Variants in TJP3 observed in about 807,000 individuals in gnomAD.
TJP3 encodes the protein tight junction protein 3, also known as tight junction protein ZO-3.
A neutral mutation model predicts 104.2 loss-of-function variants in TJP3; 85 were observed. That is an observed-to-expected ratio of 0.82 (90% confidence interval 0.68 to 0.98). The LOEUF is 0.98. Among genes scored for constraint, TJP3 ranks in the 50% least tolerant of loss-of-function variants. TJP3 has a pLI of 0.00. For synonymous variants in TJP3, 550 were observed against 550.6 expected, an observed-to-expected ratio of 1.00 and a Z score of 0.02; for missense variants, 1,367 against 1,322.8, an observed-to-expected ratio of 1.03 and a Z score of -0.52.
chr19:3,724,186 T>A (rs8112370), intron 1 of TJP3, among the ~76,000 whole-genome samples: 11,099 of 150,332 alleles, frequency 0.074, 607 homozygotes, highest in African/African-American at 0.15. Flanking sequence ...GGGCCCTGGT[T>A]CCCTGGGGCT....
chr19:3,727,146 A>G (rs1161497317), intron 1 of TJP3, among the ~76,000 whole-genome samples: 1 of 151,730 alleles, frequency 6.6e-6, no homozygotes, highest in Non-Finnish European at 1.5e-5. Context: ...CATCTGTAAC[A>G]TGGGGATAAT....
At chr19:3,743,878 C>A in intron 14 of TJP3, 61 bp from the exon 15 acceptor site, 1 of 1,492,290 alleles carries the variant, frequency 6.7e-7, no homozygotes, top group Non-Finnish European at 9.3e-7. Flanking sequence ...TTGTACAACA[C>A]ACTAGCAGTC....
At chr19:3,709,654 C>A (rs539847783) in intron 1 of TJP3, among the ~76,000 whole-genome samples, 1 of 152,150 alleles carries the variant, frequency 6.6e-6, no homozygotes, top group South Asian at 2.1e-4. Flanking sequence ...GGGGACAGAG[C>A]GGCCCGGCAT....
chr19:3,727,103 G>A (rs1029069672), intron 1 of TJP3, among the ~76,000 whole-genome samples: 2 of 151,682 alleles, frequency 1.3e-5, no homozygotes, highest in Non-Finnish European at 2.9e-5. Flanking sequence ...AGTGTGGGAG[G>A]GGGGACTTCA....
intron 1 of TJP3, chr19:3,721,718 G>A (rs2036543514): frequency 2.7e-6 from 1 of 376,712 alleles, no homozygotes; most frequent in Non-Finnish European, 4.7e-6. Flanking sequence ...AGACCTGGAG[G>A]AGGAAGAGGG....
In TJP3 at chr19:3,745,133, C is replaced by CT. The variant is rs549831017; in HGVS notation, c.1940-848dup. On this transcript the variant is annotated intron_variant, in intron 15 of 20. Coordinates refer to ENST00000541714, the MANE Select transcript of TJP3 (RefSeq NM_001267560.2). ...TTAAAAAAAGATGCAAATTTTATGT[C>CT]TTTTTTTTTTTTTTTTTTTTTTTTT... is the stretch of plus-strand genomic sequence containing the variant. Among the ~76,000 whole-genome samples the CT allele has an allele frequency of 7.6e-3, 529 of 70,012 alleles. 67 individuals are homozygous for CT. Among genetic ancestry groups the CT allele is most frequent in the Non-Finnish European group, 8.4e-3 (342 of 40,796 alleles). 45.9% of individuals were successfully genotyped at this position (70,012 alleles called of 152,430 possible).
At chr19:3,739,773 G>A (rs1373019883) in intron 13 of TJP3, among the ~76,000 whole-genome samples, 2 of 152,106 alleles carry the variant, frequency 1.3e-5, no homozygotes, top group Admixed American at 1.3e-4. Flanking sequence ...TAGAGGGGCC[G>A]CATCCCTCAG....
rs889799164 is a variant in TJP3 at position 3,742,914 on chromosome 19, C to G, written c.1844-1025C>G. ...CTGGGAGATGGAGGTTGCAGTGAGC[C>G]AAGATTAAGCCACTGCACCGCCAGC... On this transcript the variant is annotated intron_variant, in intron 14 of 20. Transcript: ENST00000541714. 9.3e-5 allele frequency among the ~76,000 whole-genome samples: 14 copies of G among 150,968 alleles called. No individual in the cohort carries two copies. In the East Asian group the frequency reaches 9.9e-4, roughly 11 times the overall value.
chr19:3,738,838 G>A, intron 12 of TJP3, 59 bp from the exon 13 acceptor site: 1 of 1,485,890 alleles, frequency 6.7e-7, no homozygotes, highest in Non-Finnish European at 9.2e-7. Context: ...CTCTCGGGTG[G>A]GGAGGGCTCA....
chr19:3,720,263 C>G (rs960139048), intron 1 of TJP3, among the ~76,000 whole-genome samples: 1 of 152,122 alleles, frequency 6.6e-6, no homozygotes, highest in African/African-American at 2.4e-5. Context: ...CCTTGGAGAC[C>G]CTTGAGGGGC....
rs61729588 is a variant in TJP3 at position 3,746,798 on chromosome 19, G to A, written c.2244G>A (p.Thr748=). The A allele has an allele frequency of 2.7e-5, 44 of 1,611,032 alleles. No homozygotes were observed. The highest frequency in any genetic ancestry group is 3.5e-5 in the Non-Finnish European group (41 of 1,178,688). The stretch of plus-strand genomic sequence containing the variant: ...CAGCCACCATCCCTCTGAATGGCAC[G>A]AGTGACACCTGGTACCAGGAGCTCA... ...LFTATIPLNG[T]SDTWYQELKA... is the part of the protein sequence containing the mutation. Residue 748 remains threonine (T), a synonymous_variant, in exon 18 of 21, where the codon ACG becomes ACA. Coordinates refer to ENST00000541714, the MANE Select transcript of TJP3 (RefSeq NM_001267560.2). The surrounding 1 kb of genome is among the most constrained non-coding windows in gnomAD (Gnocchi z 4.1).
intron 1 of TJP3, among the ~76,000 whole-genome samples, chr19:3,713,062 A>G (rs1180081725): frequency 2.0e-5 from 3 of 151,504 alleles, no homozygotes; most frequent in African/African-American, 7.3e-5. Context: ...AGTGCCCCCC[A>G]TGAGTCCTAC....
Position 3,747,939 on chromosome 19 carries a change from C to G in TJP3, c.2468C>G (p.Thr823Arg). The part of the protein sequence containing the change: ...GGAYTDGEGY[T>R]DGEGGPYTDV... ...GCGTACACGGATGGCGAGGGCTACA[C>G]AGACGGCGAGGGGGGGCCCTACACG... Residue 823 changes from threonine to arginine, a missense_variant, in exon 19 of 21, where the codon ACA becomes AGA. Physicochemically the swap from Thr to Arg is moderately conservative, Grantham distance 71. Coordinates refer to ENST00000541714, the MANE Select transcript of TJP3 (RefSeq NM_001267560.2). 2.5e-6 allele frequency: 4 copies of G among 1,613,182 alleles called. No homozygotes were observed. The highest frequency in any genetic ancestry group is 3.4e-6 in the Non-Finnish European group (4 of 1,179,904).
intron 1 of TJP3, among the ~76,000 whole-genome samples, chr19:3,719,731 T>TAAAAA (rs1238754129): frequency 1.8e-5 from 1 of 56,850 alleles, no homozygotes; most frequent in Non-Finnish European, 3.0e-5. Flanking sequence ...AGACTCCGTC[T>TAAAAA]CAAAAAAAAA....
intron 11 of TJP3, among the ~76,000 whole-genome samples, chr19:3,736,827 C>A (rs983773320): frequency 6.7e-6 from 1 of 149,986 alleles, no homozygotes; most frequent in African/African-American, 2.5e-5. Context: ...CCACCTGCCT[C>A]GGCTTCCCAA....
intron 1 of TJP3, among the ~76,000 whole-genome samples, chr19:3,715,937 C>A (rs1599141950): frequency 1.3e-5 from 2 of 152,020 alleles, no homozygotes; most frequent in Non-Finnish European, 2.9e-5. Flanking sequence ...CACCACCACA[C>A]TCGGCTAATT....
Position 3,731,937 on chromosome 19 carries a change from T to A in TJP3, c.616T>A (p.Phe206Ile), listed in dbSNP as rs747303093. Residue 206 changes from phenylalanine (F) to isoleucine (I), a missense_variant and splice_region_variant, in exon 6 of 21, where the codon TTT (phenylalanine) becomes ATT (isoleucine). Phe to Ile is a conservative substitution (Grantham distance 21). Coordinates refer to ENST00000541714, the MANE Select transcript of TJP3 (RefSeq NM_001267560.2). ...GTTTCCCTCCTCCCCCCTTACAGAG[T>A]TTGGCGTCAAGCTGGGCAGTCAGAT... ...VLVKRRDSEEFGVKLGSQIFI... is the reference protein window; with the variant it reads ...VLVKRRDSEEIGVKLGSQIFI... The A allele has an allele frequency of 3.7e-6, 6 of 1,612,392 alleles. No individual in the cohort carries two copies. In the Admixed American group the frequency reaches 6.7e-5, roughly 18 times the overall value.
intron 1 of TJP3, among the ~76,000 whole-genome samples, chr19:3,716,316 G>A (rs555481774): frequency 1.3e-5 from 2 of 148,340 alleles, no homozygotes; most frequent in South Asian, 2.3e-4. Context: ...CAAGTGATCC[G>A]CCCATCTCAG....
chr19:3,716,002 C>T (rs1331592539), intron 1 of TJP3, among the ~76,000 whole-genome samples: 1 of 151,988 alleles, frequency 6.6e-6, no homozygotes, highest in African/African-American at 2.4e-5. Context: ...TGGTCTCGAA[C>T]TCCTGACCTC....
Sources: gnomAD v4.1 joint callset for allele counts (sites outside exome capture counted in the v4.1 genomes callset) on GRCh38, gnomAD v4.1.1 for gene constraint, Gnocchi (gnomAD v3.1) non-coding constraint, MANE v1.5 for transcripts, NCBI Gene and HGNC (gene_info 2026-07-23, HGNC 2026-07-21) for gene names.